Variants in PDS5B observed in about 807,000 individuals in gnomAD.
PDS5B encodes PDS5 cohesin associated factor B, also known as sister chromatid cohesion protein PDS5 homolog B.
Under a neutral mutation model 184.1 loss-of-function variants are expected in PDS5B, and 51 were observed. The observed-to-expected ratio is 0.28, with a 90% CI of 0.22 to 0.35. The LOEUF is 0.35. Ranked by LOEUF, PDS5B falls within the 10% of genes least tolerant of loss-of-function variation. The pLI, the probability that PDS5B is intolerant of heterozygous loss-of-function variation, is 1.00. For synonymous variants in PDS5B, 566 were observed against 569.2 expected (o/e 0.99, Z 0.08); for missense variants, 1,180 against 1,723.3 (o/e 0.68, Z 5.58).
chr13:32,760,681 G>T lies in PDS5B; in HGVS notation c.3479G>T (p.Ser1160Ile). 1 of 1,614,000 alleles carries T rather than the reference G, an allele frequency of 6.2e-7. No individual in the cohort carries two copies. The highest frequency in any genetic ancestry group is 8.5e-7 in the Non-Finnish European group (1 of 1,179,922). Residue 1160 changes from serine to isoleucine, a missense_variant, in exon 30 of 35, where the codon AGC becomes ATC. Physicochemically the swap from Ser to Ile is moderately radical, Grantham distance 142. This residue lies in a region of PDS5B where 465 missense variants were observed against 497.8 expected (regional missense o/e 0.93). Coordinates refer to ENST00000315596, the MANE Select transcript of PDS5B (RefSeq NM_015032.4). Reference sequence around the variant, plus strand: ...ATGGAAACTGTAAGCAATGCAAGCAGCAGCTCAAATCCAAGCTCTCCTGGA... The same window carrying T: ...ATGGAAACTGTAAGCAATGCAAGCATCAGCTCAAATCCAAGCTCTCCTGGA... ...SRMETVSNAS[S>I]SSNPSSPGRI...
intron 1 of PDS5B, among the ~76,000 whole-genome samples, chr13:32,626,454 TTAAA>T (rs1373433008): frequency 6.6e-6 from 1 of 152,230 alleles, no homozygotes; most frequent in African/African-American, 2.4e-5. Context: ...GACCTTGTCT[TTAAA>T]TAAACCATTA....
intron 21 of PDS5B, among the ~76,000 whole-genome samples, chr13:32,736,754 G>A (rs146675450): frequency 6.6e-5 from 10 of 151,700 alleles, no homozygotes; most frequent in South Asian, 2.1e-4. Context: ...CACTTTAAAC[G>A]TACATTGTTT....
chr13:32,608,186 A>G (rs1169784954), intron 1 of PDS5B, among the ~76,000 whole-genome samples: 1 of 152,174 alleles, frequency 6.6e-6, no homozygotes, highest in Admixed American at 6.5e-5. Context: ...AGGGATCTTC[A>G]GTTAAATTCT....
At chr13:32,626,824 T>A (rs1227610686) in intron 1 of PDS5B, among the ~76,000 whole-genome samples, 1 of 152,212 alleles carries the variant, frequency 6.6e-6, no homozygotes, top group Non-Finnish European at 1.5e-5. Context: ...AGTAGCCTAA[T>A]AAGTATTTAT....
intron 21 of PDS5B, 63 bp downstream of exon 21, chr13:32,735,393 A>G: frequency 1.7e-6 from 2 of 1,154,558 alleles, no homozygotes; most frequent in Non-Finnish European, 2.5e-6. Context: ...TTATCCAACA[A>G]GGAAAGAAGT....
chr13:32,618,009 C>T (rs1272569227), intron 1 of PDS5B, among the ~76,000 whole-genome samples: 1 of 152,060 alleles, frequency 6.6e-6, no homozygotes, highest in Non-Finnish European at 1.5e-5. Context: ...AGGGCTGCAT[C>T]CTCCAGAGGT....
intron 10 of PDS5B, among the ~76,000 whole-genome samples, chr13:32,682,771 A>G (rs1951281139): frequency 6.6e-6 from 1 of 152,246 alleles, no homozygotes; most frequent in African/African-American, 2.4e-5. Context: ...GTCCTTGACA[A>G]CATTTTGTGT....
At chr13:32,715,261 C>T (rs1952341130) in intron 19 of PDS5B, among the ~76,000 whole-genome samples, 2 of 152,174 alleles carry the variant, frequency 1.3e-5, no homozygotes, top group African/African-American at 2.4e-5. Context: ...GCCCTAGCTA[C>T]TTTTAAGTAG....
intron 10 of PDS5B, among the ~76,000 whole-genome samples, chr13:32,681,228 C>T (rs1951230143): frequency 6.6e-6 from 1 of 152,146 alleles, no homozygotes; most frequent in African/African-American, 2.4e-5. Context: ...CTTTCTTTCT[C>T]CCCTAGCTGA....
intron 19 of PDS5B, among the ~76,000 whole-genome samples, chr13:32,722,033 C>T (rs1361405123): frequency 1.3e-5 from 2 of 152,142 alleles, no homozygotes; most frequent in African/African-American, 2.4e-5. Context: ...TGTAGCGAGC[C>T]GAGATCACGC....
intron 1 of PDS5B, among the ~76,000 whole-genome samples, chr13:32,597,178 T>TA (rs1453008746): frequency 2.0e-5 from 3 of 151,842 alleles, no homozygotes; most frequent in East Asian, 3.9e-4. Flanking sequence ...GGTCTACAGA[T>TA]ACGTGCCACC....
At chr13:32,710,549 A>G (rs1952172692) in intron 19 of PDS5B, among the ~76,000 whole-genome samples, 1 of 152,188 alleles carries the variant, frequency 6.6e-6, no homozygotes, top group African/African-American at 2.4e-5. Context: ...CAGCAGTGCA[A>G]TTTTGTCTGT....
At chr13:32,667,975 A>G (rs1342943747) in intron 7 of PDS5B, 131 bp downstream of exon 7, 4 of 454,996 alleles carry the variant, frequency 8.8e-6, no homozygotes, top group Non-Finnish European at 7.9e-6. Context: ...CCCTTAAGTA[A>G]TATATTTTCT....
intron 10 of PDS5B, among the ~76,000 whole-genome samples, chr13:32,680,084 G>GT (rs994356642): frequency 7.9e-5 from 12 of 151,792 alleles, no homozygotes; most frequent in Non-Finnish European, 1.6e-4. Flanking sequence ...TCTGCTATTT[G>GT]TTTTTTTCAC....
chr13:32,674,508 T>C (rs1180155523), intron 8 of PDS5B, among the ~76,000 whole-genome samples: 1 of 152,072 alleles, frequency 6.6e-6, no homozygotes, highest in African/African-American at 2.4e-5. Flanking sequence ...TATTTGTTGG[T>C]TTATATGATT....
chr13:32,654,978 G>T (rs1388249940), intron 3 of PDS5B, among the ~76,000 whole-genome samples: 1 of 152,094 alleles, frequency 6.6e-6, no homozygotes, highest in African/African-American at 2.4e-5. Flanking sequence ...GAATAGTGCT[G>T]CTACGAACAT....
chr13:32,597,181 G>A (rs888080773), intron 1 of PDS5B, among the ~76,000 whole-genome samples: 3 of 151,348 alleles, frequency 2.0e-5, no homozygotes, highest in Non-Finnish European at 4.4e-5. Context: ...CTACAGATAC[G>A]TGCCACCATG....
intron 19 of PDS5B, among the ~76,000 whole-genome samples, chr13:32,722,126 G>A (rs1175950404): frequency 6.6e-6 from 1 of 152,208 alleles, no homozygotes; most frequent in Non-Finnish European, 1.5e-5. Context: ...AGGCCGAGGC[G>A]GGCAGATCAC....
At chr13:32,637,108 CTAAG>C (rs972758893) in intron 1 of PDS5B, among the ~76,000 whole-genome samples, 3 of 152,130 alleles carry the variant, frequency 2.0e-5, no homozygotes, top group Non-Finnish European at 4.4e-5. Context: ...TTTAAGAATT[CTAAG>C]TAAGGCAGTG....
Sources: gnomAD v4.1 joint callset for allele counts (sites outside exome capture counted in the v4.1 genomes callset) on GRCh38, gnomAD v4.1.1 for gene constraint, gnomAD v4.1.1 regional missense constraint, MANE v1.5 for transcripts, NCBI Gene and HGNC (gene_info 2026-07-23, HGNC 2026-07-21) for gene names.